CFAP74: variants seen among roughly 807,000 people sequenced by gnomAD.
CFAP74 encodes cilia- and flagella-associated protein 74.
CFAP74 carries 124 observed loss-of-function variants against 188.9 expected under a neutral mutation model. The ratio of observed to expected loss-of-function variants is 0.66; its 90% confidence interval spans 0.57 to 0.76. The LOEUF (loss-of-function observed/expected upper bound fraction) is 0.76. Among genes scored for constraint, CFAP74 ranks in the 30% least tolerant of loss-of-function variants. CFAP74 has a pLI of 0.00. For synonymous variants in CFAP74, 956 were observed against 916.7 expected, an observed-to-expected ratio of 1.04 and a Z score of -0.77; for missense variants, 2,198 against 2,165.2, an observed-to-expected ratio of 1.02 and a Z score of -0.30.
intron 16 of CFAP74, 31 bp downstream of exon 16, chr1:1,959,089 G>A: frequency 2.0e-6 from 3 of 1,521,562 alleles, no homozygotes; most frequent in Non-Finnish European, 2.7e-6. Flanking sequence ...CATGCCCCGA[G>A]AAATGCTGGC....
chr1:1,972,821 G>T, intron 8 of CFAP74, 116 bp downstream of exon 8: 1 of 776,902 alleles, frequency 1.3e-6, no homozygotes, highest in Non-Finnish European at 2.2e-6. Flanking sequence ...CAGCCTGGGC[G>T]ACAGAGCAAG....
intron 13 of CFAP74, among the ~76,000 whole-genome samples, chr1:1,964,148 C>T (rs1001527454): frequency 2.1e-4 from 32 of 152,340 alleles, no homozygotes; most frequent in African/African-American, 6.7e-4. Flanking sequence ...AAGGCTCAGA[C>T]ACTGTGGGTT....
chr1:1,985,557 A>C (rs1570979334), intron 5 of CFAP74, 67 bp from the exon 6 acceptor site: 2 of 1,260,980 alleles, frequency 1.6e-6, no homozygotes, highest in Non-Finnish European at 2.3e-6. Context: ...ATCCAGGTTC[A>C]CCTGGCACTC....
intron 38 of CFAP74, 70 bp downstream of exon 38, chr1:1,922,519 G>T: frequency 6.3e-7 from 1 of 1,580,860 alleles, no homozygotes; most frequent in South Asian, 1.2e-5. Flanking sequence ...CTGGGACTGG[G>T]CAGGGGTGTC....
chr1:1,940,339 T>C lies in CFAP74; in HGVS notation c.2680A>G (p.Met894Val), dbSNP rs1483113159. The C allele has an allele frequency of 6.5e-7, 1 of 1,535,742 alleles. No homozygotes were observed. The highest frequency in any genetic ancestry group is 2.4e-5 in the East Asian group (1 of 40,920). The change falls in exon 23 of 39, where the codon ATG (methionine) becomes GTG (valine). Residue 894 changes from methionine (M) to valine (V), a missense_variant. Physicochemically the swap from Met to Val is conservative, Grantham distance 21. Transcript: ENST00000682832. ...DKETRVLEAP[M>V]TIWVADQNKP... ...ACCTGGTCGGCAACCCATATGGTCATCGGGGCCTCCAGGACTCGGGTCTCC... is the reference window on the plus strand; with the variant it reads ...ACCTGGTCGGCAACCCATATGGTCACCGGGGCCTCCAGGACTCGGGTCTCC...
chr1:1,924,790 C>G (rs1412443399), intron 33 of CFAP74, among the ~76,000 whole-genome samples: 1 of 152,224 alleles, frequency 6.6e-6, no homozygotes, highest in Non-Finnish European at 1.5e-5. Flanking sequence ...CTCCAGGGCG[C>G]CTGAGTCTCG....
intron 28 of CFAP74, 24 bp from the exon 29 acceptor site, chr1:1,927,052 G>A (rs530725225): frequency 5.2e-6 from 8 of 1,549,836 alleles, no homozygotes; most frequent in African/African-American, 2.7e-5. Context: ...AGAGGCTTGC[G>A]CTCCCGCCTT....
intron 1 of CFAP74, among the ~76,000 whole-genome samples, chr1:2,000,732 T>C (rs964800018): frequency 6.6e-6 from 1 of 152,122 alleles, no homozygotes; most frequent in Non-Finnish European, 1.5e-5. Context: ...CTCCTTTTTA[T>C]AAGGACACCG....
chr1:1,956,558 A>G (rs1558024004), intron 17 of CFAP74, 62 bp downstream of exon 17: 1 of 1,599,136 alleles, frequency 6.3e-7, no homozygotes, highest in Non-Finnish European at 8.6e-7. Flanking sequence ...CTGTTCACCC[A>G]CATGGGACTG....
At position 1,923,805 on chromosome 1, in the gene CFAP74, G is replaced by A. The variant is rs767317238; in HGVS notation, c.4359C>T (p.Ser1453=). ...FSPDHESLYF[S]DKLQVVLFEK... Reference sequence around the variant, plus strand: ...CAAAGAGCACCACCTGGAGCTTGTCGGAGAAGTAGAGGCTTTCGTGGTCGG... The same window carrying A: ...CAAAGAGCACCACCTGGAGCTTGTCAGAGAAGTAGAGGCTTTCGTGGTCGG... The change falls in exon 35 of 39, where the codon TCC becomes TCT. Residue 1453 remains serine (S), a synonymous_variant. Coordinates refer to ENST00000682832, the MANE Select transcript of CFAP74 (RefSeq NM_001304360.2). This position sits in a 1 kb window ranked among gnomAD's most constrained non-coding sequence, Gnocchi z 6.3. 11 of 1,613,496 alleles carry A rather than the reference G, an allele frequency of 6.8e-6. No homozygotes were observed. Among genetic ancestry groups the A allele is most frequent in the Middle Eastern group, 1.7e-4 (1 of 6,058 alleles).
At chr1:1,967,276 G>A (rs372503231) in intron 11 of CFAP74, among the ~76,000 whole-genome samples, 1 of 152,216 alleles carries the variant, frequency 6.6e-6, no homozygotes, top group East Asian at 1.9e-4. Context: ...CAGGCCTGCT[G>A]GAGAAGGGGG....
intron 11 of CFAP74, 88 bp from the exon 12 acceptor site, chr1:1,966,614 C>T: frequency 8.1e-7 from 1 of 1,240,340 alleles, no homozygotes; most frequent in Non-Finnish European, 1.1e-6. Context: ...CCGGTATGGC[C>T]CGCTGCCTGC....
intron 28 of CFAP74, 133 bp from the exon 29 acceptor site, chr1:1,927,161 ACAAACTGGCTTTTC>A: frequency 9.4e-7 from 1 of 1,068,166 alleles, no homozygotes; most frequent in South Asian, 1.6e-5. Context: ...GTTGTGTCTG[ACAAACTGGCTTTTC>A]CACCCTTCTC....
rs1193277071 is a variant in CFAP74, at chr1:1,940,313, G to T, written c.2703+3C>A. The T allele has an allele frequency of 6.5e-7, 1 of 1,535,134 alleles. No homozygotes were observed. Among genetic ancestry groups the T allele is most frequent in the Admixed American group, 2.0e-5 (1 of 50,998 alleles). On this transcript the variant is annotated splice_donor_region_variant and intron_variant, in intron 23 of 38. Transcript: ENST00000682832. ...CATCCCTGGGAAGTGCCCCAACACA[G>T]ACCTGGTCGGCAACCCATATGGTCA...
At position 1,975,598 on chromosome 1, in the gene CFAP74, G is replaced by A. The variant is rs888948163; in HGVS notation, c.501-1400C>T. On this transcript the variant is annotated intron_variant, in intron 6 of 38. Transcript: ENST00000682832. The surrounding 1 kb of genome is among the most constrained non-coding windows in gnomAD (Gnocchi z 4.5). ...TTGTTGGGGTAATTTTAAACAGAGG[G>A]CTCCTTTCCAGGGAGCATGGGTCAC... Among the ~76,000 whole-genome samples, 2 of 152,150 alleles carry A rather than the reference G, an allele frequency of 1.3e-5. No homozygotes were observed. Among genetic ancestry groups the A allele is most frequent in the African/African-American group, 4.8e-5 (2 of 41,426 alleles).
chr1:1,979,456 T>C (rs147728636), intron 6 of CFAP74, among the ~76,000 whole-genome samples: 16,403 of 49,910 alleles, frequency 0.33, 2,051 homozygotes, highest in East Asian at 0.37. Flanking sequence ...CGTCACGTGA[T>C]GAAGCTGCAC....
chr1:1,998,939 T>C (rs77327785), intron 1 of CFAP74, among the ~76,000 whole-genome samples: 2,211 of 152,158 alleles, frequency 0.015, 54 homozygotes, highest in African/African-American at 0.051. Flanking sequence ...AAATAGCTCA[T>C]GTTCAAGCAC....
At chr1:1,977,210 A>C (rs921908344) in intron 6 of CFAP74, among the ~76,000 whole-genome samples, 4 of 152,172 alleles carry the variant, frequency 2.6e-5, no homozygotes, top group African/African-American at 9.7e-5. Flanking sequence ...AGACTGACGA[A>C]CAATAGCGTT....
At chr1:1,962,356 A>G (rs563842593) in intron 14 of CFAP74, among the ~76,000 whole-genome samples, 97 of 151,928 alleles carry the variant, frequency 6.4e-4, no homozygotes, top group African/African-American at 2.3e-3. Context: ...GGCGCCTGTT[A>G]TCCGAGCTAC....
Sources: gnomAD v4.1 joint callset for allele counts (sites outside exome capture counted in the v4.1 genomes callset) on GRCh38, gnomAD v4.1.1 for gene constraint, Gnocchi (gnomAD v3.1) non-coding constraint, MANE v1.5 for transcripts, NCBI Gene and HGNC (gene_info 2026-07-23, HGNC 2026-07-21) for gene names.